KCNQ1: variants seen among roughly 807,000 people sequenced by gnomAD.
KCNQ1 encodes the protein potassium voltage-gated channel subfamily Q member 1, also known as potassium voltage-gated channel subfamily KQT member 1.
KCNQ1 carries 49 observed loss-of-function variants against 72.4 expected under a neutral mutation model. The ratio of observed to expected loss-of-function variants is 0.68; its 90% CI spans 0.54 to 0.86. KCNQ1 has a LOEUF of 0.86. Ranked by LOEUF, KCNQ1 falls within the 40% of genes least tolerant of loss-of-function variation. KCNQ1 has a pLI of 0.00. For missense variants in KCNQ1, 790 were observed against 945.1 expected (o/e 0.84, Z 2.15); for synonymous variants, 450 against 412.6 (o/e 1.09, Z -1.10).
intron 1 of KCNQ1, among the ~76,000 whole-genome samples, chr11:2,524,252 G>A (rs1453333276): frequency 6.6e-6 from 1 of 152,160 alleles, no homozygotes; most frequent in Non-Finnish European, 1.5e-5. Context: ...CGTGCACCAA[G>A]ACCAGAGCCT....
rs1273208243 is a variant in KCNQ1, at chr11:2,550,807, C to T, written c.478-19821C>T. On this transcript the variant is annotated intron_variant, in intron 2 of 15. Transcript: ENST00000155840. This position sits in a 1 kb window ranked among gnomAD's most constrained non-coding sequence, Gnocchi z 6.0. ...CCGAGTACAAGGCATGGACAGGAGC[C>T]AGGCTTCACCTAGCACCTGGCTCCC... is the stretch of plus-strand genomic sequence containing the variant. 6.6e-6 allele frequency among the ~76,000 whole-genome samples: 1 copy of T among 152,088 alleles called. No individual in the cohort carries two copies. Among genetic ancestry groups the T allele is most frequent in the African/African-American group, 2.4e-5 (1 of 41,402 alleles).
intron 10 of KCNQ1, chr11:2,618,985 T>C: frequency 2.5e-6 from 1 of 398,362 alleles, no homozygotes; most frequent in Non-Finnish European, 4.4e-6. Flanking sequence ...AGGTCATTAT[T>C]TGTGTATAGA....
At chr11:2,804,406 T>C (rs540582547) in intron 15 of KCNQ1, among the ~76,000 whole-genome samples, 153 of 152,226 alleles carry the variant, frequency 1.0e-3, no homozygotes, top group Non-Finnish European at 1.7e-3. Flanking sequence ...ATCTGTGAAC[T>C]AGAACCCCGC....
rs1850309879 is a variant in KCNQ1, at chr11:2,677,267, G to C, written c.1514+15186G>C. ...CAAAGTAAAGAGGAACTTATAAAGA[G>C]GAACTGTAAATCTTGTCAAAATAGG... On this transcript the variant is annotated intron_variant, in intron 11 of 15. Transcript: ENST00000155840. This position sits in a 1 kb window ranked among gnomAD's most constrained non-coding sequence, Gnocchi z 4.5. 2.5e-6 allele frequency: 1 copy of C among 398,272 alleles called. No homozygotes were observed. The highest frequency in any genetic ancestry group is 2.1e-5 in the African/African-American group (1 of 48,444). 24.7% of individuals were successfully genotyped at this position (398,272 alleles called of 1,614,324 possible).
intron 11 of KCNQ1, among the ~76,000 whole-genome samples, chr11:2,749,901 C>T (rs1261670511): frequency 2.0e-5 from 3 of 150,454 alleles, no homozygotes; most frequent in South Asian, 2.1e-4. Context: ...CACTTGAACC[C>T]GTGAGTTGAG....
chr11:2,744,072 C>T (rs2237876), intron 11 of KCNQ1, among the ~76,000 whole-genome samples: 31,206 of 152,186 alleles, frequency 0.21, 3,778 homozygotes, highest in Non-Finnish European at 0.27. Context: ...AGCCCATTGC[C>T]GGTACCCATG....
intron 15 of KCNQ1, among the ~76,000 whole-genome samples, chr11:2,789,858 A>G (rs1216294351): frequency 6.6e-6 from 1 of 152,146 alleles, no homozygotes; most frequent in Non-Finnish European, 1.5e-5. Context: ...AACCTCAGAA[A>G]CAAGGTCCCA....
chr11:2,679,082 G>A lies in KCNQ1; in HGVS notation c.1514+17001G>A, dbSNP rs1186253064. The A allele has an allele frequency of 2.5e-6, 1 of 398,482 alleles. No homozygotes were observed. Among genetic ancestry groups the A allele is most frequent in the South Asian group, 1.3e-4 (1 of 7,866 alleles). The allele number at this position is 398,482 out of a possible 1,614,324, so 24.7% of individuals were successfully genotyped here. A position where few individuals can be genotyped will look rare whatever the true frequency, so the allele number is the denominator to read the frequency against. ...CAAAAAAACCCACTAACACCATAAA[G>A]TGTCATAGCTAGAGCTAGAGTGCTG... On this transcript the variant is annotated intron_variant, in intron 11 of 15. Coordinates refer to ENST00000155840, the MANE Select transcript of KCNQ1 (RefSeq NM_000218.3). This position sits in a 1 kb window ranked among gnomAD's most constrained non-coding sequence, Gnocchi z 4.8.
Position 2,745,688 on chromosome 11 carries a change from C to A in KCNQ1, c.1515-23156C>A, listed in dbSNP as rs763407146. Among the ~76,000 whole-genome samples the A allele has an allele frequency of 1.4e-4, 21 of 152,174 alleles. No homozygotes were observed. The highest frequency in any genetic ancestry group is 2.6e-4 in the Non-Finnish European group (18 of 68,022). On this transcript the variant is annotated intron_variant, in intron 11 of 15. Coordinates refer to ENST00000155840, the MANE Select transcript of KCNQ1 (RefSeq NM_000218.3). This position sits in a 1 kb window ranked among gnomAD's most constrained non-coding sequence, Gnocchi z 6.2. ...CCTTCTGCTGGGCCTCAGCACCCGG[C>A]GGAGGCAGGGGCTTCCTCTGACACG...
intron 10 of KCNQ1, chr11:2,635,206 T>C (rs932811185): frequency 3.3e-5 from 5 of 152,208 alleles, no homozygotes; most frequent in East Asian, 1.9e-4. Context: ...TTTGTCAATT[T>C]TGGCTTTTGT....
rs1361709836 is a variant in KCNQ1 at position 2,671,644 on chromosome 11, C to T, written c.1514+9563C>T. ...TGCCACAGCAGTGTCCTGTGGTGCC[C>T]TGCTGGGGAAACTGAGGCAGAGAGC... On this transcript the variant is annotated intron_variant, in intron 11 of 15. Coordinates refer to ENST00000155840, the MANE Select transcript of KCNQ1 (RefSeq NM_000218.3). The surrounding 1 kb of genome is among the most constrained non-coding windows in gnomAD (Gnocchi z 4.7). 1.5e-5 allele frequency: 6 copies of T among 397,316 alleles called. No individual in the cohort carries two copies. The highest frequency in any genetic ancestry group is 2.7e-5 in the Non-Finnish European group (6 of 225,808). The allele number at this position is 397,316 out of a possible 1,614,324, so 24.6% of individuals were successfully genotyped here. A position where few individuals can be genotyped will look rare whatever the true frequency, so the allele number is the denominator to read the frequency against.
chr11:2,740,507 C>T (rs1846034285), intron 11 of KCNQ1, among the ~76,000 whole-genome samples: 1 of 152,166 alleles, frequency 6.6e-6, no homozygotes, highest in South Asian at 2.1e-4. Flanking sequence ...TGAAGTCCTT[C>T]CTGGCAGGCC....
intron 1 of KCNQ1, among the ~76,000 whole-genome samples, chr11:2,459,829 C>T (rs910781454): frequency 7.9e-5 from 12 of 152,140 alleles, no homozygotes; most frequent in Non-Finnish European, 1.5e-4. Flanking sequence ...CTCTCCTTCC[C>T]ATGCAGCACA....
At chr11:2,665,436 G>C (rs773515782) in intron 11 of KCNQ1, 1 of 397,582 alleles carries the variant, frequency 2.5e-6, no homozygotes, top group Non-Finnish European at 4.4e-6. Flanking sequence ...ACTATCCTCT[G>C]CTCACCAAGG....
chr11:2,572,161 G>A (rs1407219140), intron 5 of KCNQ1, 52 bp downstream of exon 5: 1 of 1,390,958 alleles, frequency 7.2e-7, no homozygotes, highest in Non-Finnish European at 1.0e-6. Context: ...CAGGACGGAG[G>A]GAGCAGAGCA....
intron 11 of KCNQ1, chr11:2,689,110 C>T: frequency 2.5e-6 from 1 of 398,780 alleles, no homozygotes. Flanking sequence ...TGGCCCAAGG[C>T]CTGCCCTGGT....
chr11:2,847,954 C>T lies in KCNQ1; in HGVS notation c.1982C>T (p.Thr661Ile), dbSNP rs1348518328. ...TTCCTGCCCAGCAACACCCTGCCCA[C>T]CTACGAGCAGCTGACCGTGCCCAGG... ...ELFLPSNTLP[T>I]YEQLTVPRRG... The change falls in exon 16 of 16, where the codon ACC becomes ATC. Residue 661 changes from threonine to isoleucine, a missense_variant. Physicochemically the swap from Thr to Ile is moderately conservative, Grantham distance 89. Transcript: ENST00000155840. 1.3e-6 allele frequency: 2 copies of T among 1,568,514 alleles called. No homozygotes were observed. Among genetic ancestry groups the T allele is most frequent in the Non-Finnish European group, 1.7e-6 (2 of 1,155,966 alleles).
At chr11:2,584,116 C>A (rs552765837) in intron 7 of KCNQ1, among the ~76,000 whole-genome samples, 1 of 151,968 alleles carries the variant, frequency 6.6e-6, no homozygotes. Flanking sequence ...TGTATGTGTG[C>A]GTGCATACTG....
chr11:2,587,491 G>T (rs1372133245), intron 8 of KCNQ1, 79 bp from the exon 9 acceptor site: 1 of 1,593,906 alleles, frequency 6.3e-7, no homozygotes, highest in Non-Finnish European at 8.6e-7. Flanking sequence ...GGGGAACAGG[G>T]AGGGGGAGCT....
Sources: gnomAD v4.1 joint callset for allele counts (sites outside exome capture counted in the v4.1 genomes callset) on GRCh38, gnomAD v4.1.1 for gene constraint, Gnocchi (gnomAD v3.1) non-coding constraint, MANE v1.5 for transcripts, NCBI Gene and HGNC (gene_info 2026-07-23, HGNC 2026-07-21) for gene names.